Variants in KCNAB3 observed in about 807,000 individuals in gnomAD.
The protein encoded by KCNAB3 is potassium voltage-gated channel subfamily A regulatory beta subunit 3.
A neutral mutation model predicts 67.7 loss-of-function variants in KCNAB3; 62 were observed. That is an observed-to-expected ratio of 0.92 (90% CI 0.75 to 1.13). KCNAB3 has a LOEUF of 1.13. Ranked by LOEUF, KCNAB3 falls within the 50% of genes most tolerant of loss-of-function variation. The probability of loss-of-function intolerance (pLI) is 0.00; values close to 1 mark genes in which losing one functional copy is unlikely to be tolerated. For missense variants in KCNAB3, 514 were observed against 522.9 expected (o/e 0.98, Z 0.17); for synonymous variants, 212 against 205.4 (o/e 1.03, Z -0.27).
At position 7,925,794 on chromosome 17, in the gene KCNAB3, TAAGGA is replaced by T. The variant is rs1449533439; in HGVS notation, c.495-73_495-69del. On this transcript the variant is annotated intron_variant, in intron 6 of 13. Transcript: ENST00000303790. Reference sequence around the variant, plus strand: ...GGGGACCGGGGCTGGCTTGGAGCCATAAGGAAATGGGATTGCACGAGTCTTCACAG... The same window carrying T: ...GGGGACCGGGGCTGGCTTGGAGCCATAATGGGATTGCACGAGTCTTCACAG... 5 of 1,605,928 alleles carry T rather than the reference TAAGGA, an allele frequency of 3.1e-6. No homozygotes were observed. The Admixed American group carries it at 8.3e-5, about 27-fold the overall frequency.
rs977895687 is a variant in KCNAB3, at chr17:7,922,894, G to A, written c.*208C>T. 20 of 590,862 alleles carry A rather than the reference G, an allele frequency of 3.4e-5. 1 individual carries two copies. The highest frequency in any genetic ancestry group is 3.2e-4 in the Admixed American group (11 of 34,502). 36.6% of individuals were successfully genotyped at this position (590,862 alleles called of 1,614,324 possible). A position where few individuals can be genotyped will look rare whatever the true frequency, so the allele number is the denominator to read the frequency against. ...GCCTAGAAAGACGCAGCAGGGGGCG[G>A]GCGTGCTACTTTCTCTCTCGACCCC... On this transcript the variant is annotated 3_prime_UTR_variant, in exon 14 of 14. Transcript: ENST00000303790.
At position 7,929,573 on chromosome 17, in the gene KCNAB3, G is replaced by A. The variant is rs1293107823; in HGVS notation, c.-138C>T. 6.9e-7 allele frequency: 1 copy of A among 1,457,958 alleles called. No homozygotes were observed. The highest frequency in any genetic ancestry group is 9.0e-7 in the Non-Finnish European group (1 of 1,113,384). 90.3% of individuals were successfully genotyped at this position (1,457,958 alleles called of 1,614,324 possible). A position where few individuals can be genotyped will look rare whatever the true frequency, so the allele number is the denominator to read the frequency against. The stretch of plus-strand genomic sequence containing the variant: ...GGCTGAGGAGGCTGCGGCGGGAGCC[G>A]CCAGGCAGGATCGGGCCCGCGGGGG... On this transcript the variant is annotated 5_prime_UTR_variant, in exon 1 of 14. Coordinates refer to ENST00000303790, the MANE Select transcript of KCNAB3 (RefSeq NM_004732.4). This position sits in a 1 kb window ranked among gnomAD's most constrained non-coding sequence, Gnocchi z 5.7.
chr17:7,923,943 G>C (rs1393560181), intron 11 of KCNAB3, 25 bp downstream of exon 11: 20 of 1,604,664 alleles, frequency 1.2e-5, no homozygotes, highest in Non-Finnish European at 1.7e-5. Flanking sequence ...GCCCAGTCCT[G>C]CCATCGAGAG....
chr17:7,927,565 T>A, intron 3 of KCNAB3, 92 bp downstream of exon 3: 1 of 1,551,672 alleles, frequency 6.4e-7, no homozygotes, highest in South Asian at 1.1e-5. Context: ...TCATTCCCTG[T>A]GCTTGTTGTC....
rs562769658 is a variant in KCNAB3, at chr17:7,928,061, G to T, written c.243-235C>A. ...ACTGTTCCTCTGGAGCCACTGTCCA[G>T]AGTCTCCATTCCCTCTTATCACATT... is the stretch of plus-strand genomic sequence containing the variant. On this transcript the variant is annotated intron_variant, in intron 1 of 13. Transcript: ENST00000303790. 10 of 603,682 alleles carry T rather than the reference G, an allele frequency of 1.7e-5. No individual in the cohort carries two copies. The East Asian group carries it at 2.7e-4, about 17-fold the overall frequency. 37.4% of individuals were successfully genotyped at this position (603,682 alleles called of 1,614,324 possible). A position where few individuals can be genotyped will look rare whatever the true frequency, so the allele number is the denominator to read the frequency against.
At position 7,922,397 on chromosome 17, in the gene KCNAB3, T is replaced by G. The variant is rs1972064022; in HGVS notation, c.*705A>C. ...CTGCCCGTGACGGAAAGGCTGTCAC[T>G]AATTCCTGCCAAGAACAGCCCAACT... On this transcript the variant is annotated 3_prime_UTR_variant, in exon 14 of 14. Transcript: ENST00000303790. 1 of 152,180 alleles carries G rather than the reference T, an allele frequency of 6.6e-6. No individual in the cohort carries two copies. The highest frequency in any genetic ancestry group is 1.9e-4 in the East Asian group (1 of 5,188). The allele number at this position is 152,180 out of a possible 1,614,324, so 9.4% of individuals were successfully genotyped here. A position where few individuals can be genotyped will look rare whatever the true frequency, so the allele number is the denominator to read the frequency against.
Position 7,926,086 on chromosome 17 carries a change from C to A in KCNAB3, c.422G>T (p.Gly141Val). 1 of 1,614,150 alleles carries A rather than the reference C, an allele frequency of 6.2e-7. No homozygotes were observed. Among genetic ancestry groups the A allele is most frequent in the Non-Finnish European group, 8.5e-7 (1 of 1,180,018 alleles). Residue 141 changes from glycine to valine, a missense_variant, in exon 5 of 14, where the codon GGG becomes GTG. Physicochemically the swap from Gly to Val is moderately radical, Grantham distance 109. Transcript: ENST00000303790. ...CCAACCTTTGCTCTTGAGGATGTTC[C>A]CTAGGGTTCTTTCAGCCCTAAAAGA... is the stretch of plus-strand genomic sequence containing the variant. ...YAAGKAERTLGNILKSKGWRR... is the reference protein window; with the variant it reads ...YAAGKAERTLVNILKSKGWRR...
At chr17:7,928,318 A>T (rs1972302575) in intron 1 of KCNAB3, 1 of 188,804 alleles carries the variant, frequency 5.3e-6, no homozygotes, top group African/African-American at 2.4e-5. Flanking sequence ...GGCTAGGCAG[A>T]TGGGCCTGGA....
At position 7,923,222 on chromosome 17, in the gene KCNAB3, TCACTGAGAAA is replaced by T. The variant is rs1456177186; in HGVS notation, c.1138-53_1138-44del. Reference sequence around the variant, plus strand: ...GGTGGCGACGGCAGCCCATGCTGGGTCACTGAGAAAGGGCATGGGGTTCCAGTAGCCGGGG... The same window carrying T: ...GGTGGCGACGGCAGCCCATGCTGGGTGGGCATGGGGTTCCAGTAGCCGGGG... On this transcript the variant is annotated intron_variant, in intron 13 of 13. Transcript: ENST00000303790. The T allele has an allele frequency of 1.9e-6, 3 of 1,584,808 alleles. No homozygotes were observed. The East Asian group carries it at 6.7e-5, about 35-fold the overall frequency.
Position 7,927,819 on chromosome 17 carries a change from C to T in KCNAB3, c.250G>A (p.Gly84Arg), listed in dbSNP as rs1468277013. Residue 84 changes from glycine (G) to arginine (R), a missense_variant, in exon 2 of 14, where the codon GGG (glycine) becomes AGG (arginine). Gly to Arg is a moderately radical substitution (Grantham distance 125). Transcript: ENST00000303790. The part of the protein sequence containing the change: ...RGTGMKYRNL[G>R]KSGLRVSCLG... ...CAGGATACCCGAAGACCAGACTTCC[C>T]TAGGTTCCTGCAAGATACAGAAGCA... 2.3e-5 allele frequency: 37 copies of T among 1,613,978 alleles called. No individual in the cohort carries two copies. The highest frequency in any genetic ancestry group is 3.1e-5 in the Non-Finnish European group (36 of 1,180,014).
Position 7,922,073 on chromosome 17 carries a change from A to G in KCNAB3, c.*1029T>C, listed in dbSNP as rs1014563288. The G allele has an allele frequency of 3.9e-5, 6 of 152,238 alleles. No individual in the cohort carries two copies. Among genetic ancestry groups the G allele is most frequent in the African/African-American group, 1.2e-4 (5 of 41,444 alleles). 9.4% of individuals were successfully genotyped at this position (152,238 alleles called of 1,614,324 possible). ...GCCTGGGTCACCAAGGTGAATGAGCAATGGAGAGAAAGCTAATGCTAGCAG... is the reference window on the plus strand; with the variant it reads ...GCCTGGGTCACCAAGGTGAATGAGCGATGGAGAGAAAGCTAATGCTAGCAG... On this transcript the variant is annotated 3_prime_UTR_variant, in exon 14 of 14. Transcript: ENST00000303790.
rs1484668833 is a variant in KCNAB3 at position 7,921,906 on chromosome 17, AG to A, written c.*1195del. 2.6e-5 allele frequency: 4 copies of A among 152,236 alleles called. No individual in the cohort carries two copies. The highest frequency in any genetic ancestry group is 4.4e-5 in the Non-Finnish European group (3 of 68,042). The allele number at this position is 152,236 out of a possible 1,614,324, so 9.4% of individuals were successfully genotyped here. A position where few individuals can be genotyped will look rare whatever the true frequency, so the allele number is the denominator to read the frequency against. On this transcript the variant is annotated 3_prime_UTR_variant, in exon 14 of 14. Transcript: ENST00000303790. ...ACAAACAAATAAAGGCAGATAGCTA[AG>A]TCTTTCATAGAAAGAGGAGGAACAA...
Position 7,922,990 on chromosome 17 carries a change from A to G in KCNAB3, c.*112T>C, listed in dbSNP as rs1317625111. ...CCGGGACTCGTTGGTGGGCGGGGCT[A>G]GTCTGGCTCCGGCCGCTGCGTGGAG... On this transcript the variant is annotated 3_prime_UTR_variant, in exon 14 of 14. Coordinates refer to ENST00000303790, the MANE Select transcript of KCNAB3 (RefSeq NM_004732.4). 7 of 960,238 alleles carry G rather than the reference A, an allele frequency of 7.3e-6. No homozygotes were observed. Among genetic ancestry groups the G allele is most frequent in the South Asian group, 1.3e-5 (1 of 75,110 alleles). The allele number at this position is 960,238 out of a possible 1,614,324, so 59.5% of individuals were successfully genotyped here.
rs1972147905 is a variant in KCNAB3 at position 7,924,253 on chromosome 17, T to C, written c.724A>G (p.Met242Val). Residue 242 changes from methionine to valine, a missense_variant, in exon 10 of 14, where the codon ATG (methionine) becomes GTG (valine). Met to Val is a conservative substitution (Grantham distance 21, BLOSUM62 1). Transcript: ENST00000303790. Reference protein sequence around the residue: ...GAAEIMEAYSMARQFNLIPPV... With the variant: ...GAAEIMEAYSVARQFNLIPPV... Reference sequence around the variant, plus strand: ...GGAATCAGATTGAACTGTCTGGCCATGGAGTAGGCCTCCTGGGTTGGGGTT... The same window carrying C: ...GGAATCAGATTGAACTGTCTGGCCACGGAGTAGGCCTCCTGGGTTGGGGTT... 6.2e-7 allele frequency: 1 copy of C among 1,614,136 alleles called. No homozygotes were observed.
chr17:7,926,036 G>C, intron 5 of KCNAB3, 23 bp downstream of exon 5: 1 of 1,614,134 alleles, frequency 6.2e-7, no homozygotes, highest in Non-Finnish European at 8.5e-7. Flanking sequence ...CACATCCCCA[G>C]CAACCCCCCA....
chr17:7,926,149 C>T (rs1478370473), intron 4 of KCNAB3, 46 bp from the exon 5 acceptor site: 1 of 1,605,926 alleles, frequency 6.2e-7, no homozygotes, highest in African/African-American at 1.3e-5. Flanking sequence ...CTAGGCCAAT[C>T]AATTCCTTCC....
Position 7,923,446 on chromosome 17 carries a change from C to G in KCNAB3, c.1137+10G>C. The stretch of plus-strand genomic sequence containing the variant: ...GACAGATAGGCTCTGCCTCTGAGTC[C>G]CCGGCTCACCTGTAGCGCGCCCAGG... On this transcript the variant is annotated intron_variant, in intron 13 of 13. Coordinates refer to ENST00000303790, the MANE Select transcript of KCNAB3 (RefSeq NM_004732.4). 1 of 1,604,648 alleles carries G rather than the reference C, an allele frequency of 6.2e-7. No individual in the cohort carries two copies. Among genetic ancestry groups the G allele is most frequent in the Non-Finnish European group, 8.5e-7 (1 of 1,175,770 alleles).
intron 12 of KCNAB3, 32 bp from the exon 13 acceptor site, chr17:7,923,576 AT>A: frequency 6.4e-7 from 1 of 1,574,582 alleles, no homozygotes; most frequent in Non-Finnish European, 8.6e-7. Context: ...AAGAGGACTG[AT>A]GGGGAACAGT....
At chr17:7,925,811 AC>A in intron 6 of KCNAB3, 85 bp from the exon 7 acceptor site, 1 of 1,596,568 alleles carries the variant, frequency 6.3e-7, no homozygotes, top group Non-Finnish European at 8.6e-7. Context: ...ATGGGATTGC[AC>A]GAGTCTTCAC....
Sources: gnomAD v4.1 joint callset for allele counts on GRCh38, gnomAD v4.1.1 for gene constraint, Gnocchi (gnomAD v3.1) non-coding constraint, MANE v1.5 for transcripts, NCBI Gene and HGNC (gene_info 2026-07-23, HGNC 2026-07-21) for gene names.